Variants in MMP20 observed in about 807,000 individuals in gnomAD.
The protein encoded by MMP20 is matrix metallopeptidase 20.
In MMP20, 50 loss-of-function variants were observed where a neutral mutation model predicts 51.8. That is an observed-to-expected ratio of 0.97 (90% confidence interval 0.77 to 1.22). The LOEUF (loss-of-function observed/expected upper bound fraction) is 1.22. MMP20 is among the 50% of genes most tolerant of loss of function. The probability of loss-of-function intolerance (pLI) is 0.00; values close to 1 mark genes in which losing one functional copy is unlikely to be tolerated. For missense variants in MMP20, 663 were observed against 601.4 expected, an observed-to-expected ratio of 1.10 and a Z score of -1.07; for synonymous variants, 244 against 216.2, an observed-to-expected ratio of 1.13 and a Z score of -1.13.
rs1264781229 is a variant in MMP20 at position 102,577,032 on chromosome 11, C to A, written c.*294G>T. On this transcript the variant is annotated 3_prime_UTR_variant, in exon 10 of 10. Transcript: ENST00000260228. ...TCCTGGAAATAAAAATCAAACGGAT[C>A]AATCTGCTTCAGTATATTAGGTAAG... 2 of 349,864 alleles carry A rather than the reference C, an allele frequency of 5.7e-6. No homozygotes were observed. The highest frequency in any genetic ancestry group is 2.1e-5 in the African/African-American group (1 of 47,646). The allele number at this position is 349,864 out of a possible 1,614,324, so 21.7% of individuals were successfully genotyped here. A position where few individuals can be genotyped will look rare whatever the true frequency, so the allele number is the denominator to read the frequency against.
At chr11:102,578,944 C>T in intron 9 of MMP20, 95 bp downstream of exon 9, 1 of 883,424 alleles carries the variant, frequency 1.1e-6, no homozygotes, top group South Asian at 1.3e-5. Flanking sequence ...AAACCAAGGA[C>T]TCCCACTTGG....
At chr11:102,625,109 G>A in intron 1 of MMP20, 85 bp downstream of exon 1, 1 of 1,536,742 alleles carries the variant, frequency 6.5e-7, no homozygotes, top group Middle Eastern at 2.1e-4. Flanking sequence ...AAGAACAATA[G>A]AATTTTTTTC....
intron 8 of MMP20, among the ~76,000 whole-genome samples, chr11:102,590,352 G>A (rs1164300381): frequency 6.6e-6 from 1 of 152,146 alleles, no homozygotes; most frequent in Non-Finnish European, 1.5e-5. Flanking sequence ...GCATGTAACG[G>A]CATCAACATA....
chr11:102,602,272 A>G (rs1838526293), intron 6 of MMP20, among the ~76,000 whole-genome samples: 1 of 151,108 alleles, frequency 6.6e-6, no homozygotes, highest in Admixed American at 6.6e-5. Context: ...CCGGCCAAAA[A>G]TGCTTTTCTT....
intron 8 of MMP20, among the ~76,000 whole-genome samples, chr11:102,587,795 T>C (rs1284698865): frequency 6.6e-6 from 1 of 152,192 alleles, no homozygotes; most frequent in Non-Finnish European, 1.5e-5. Flanking sequence ...TTGCATGATA[T>C]ATTTTTTCCA....
chr11:102,615,605 A>T (rs1859659764), intron 2 of MMP20, among the ~76,000 whole-genome samples: 1 of 152,180 alleles, frequency 6.6e-6, no homozygotes, highest in Non-Finnish European at 1.5e-5. Flanking sequence ...GATAAAGTCC[A>T]AACTCCTTGA....
At chr11:102,608,017 T>G (rs1440410079) in intron 5 of MMP20, 1 of 152,202 alleles carries the variant, frequency 6.6e-6, no homozygotes, top group Non-Finnish European at 1.5e-5. Context: ...GTGCCTCAGG[T>G]GAAATCTGAC....
chr11:102,601,980 T>C (rs1227982419), intron 6 of MMP20, among the ~76,000 whole-genome samples: 3 of 148,236 alleles, frequency 2.0e-5, no homozygotes, highest in East Asian at 2.0e-4. Context: ...GACGGAGTCT[T>C]GCTCTGTCGC....
chr11:102,602,185 G>A (rs1859456853), intron 6 of MMP20, among the ~76,000 whole-genome samples: 2 of 138,344 alleles, frequency 1.4e-5, no homozygotes, highest in South Asian at 2.4e-4. Context: ...AGCCAGGATG[G>A]TCTCCATCTC....
At chr11:102,582,523 T>C (rs373032306) in intron 8 of MMP20, among the ~76,000 whole-genome samples, 1 of 152,290 alleles carries the variant, frequency 6.6e-6, no homozygotes, top group East Asian at 1.9e-4. Flanking sequence ...CTTTCATGAA[T>C]GAAGTGGGCT....
chr11:102,601,258 A>C (rs868415173), intron 6 of MMP20, among the ~76,000 whole-genome samples: 1 of 77,192 alleles, frequency 1.3e-5, no homozygotes, highest in Admixed American at 1.4e-4. Flanking sequence ...TCAGCCTCCC[A>C]AGTAGCTGGG....
rs190401373 is a variant in MMP20 at position 102,619,075 on chromosome 11, A to T, written c.127-2016T>A. Among the ~76,000 whole-genome samples, 453 of 152,190 alleles carry T rather than the reference A, an allele frequency of 3.0e-3. 1 individual carries two copies. Among genetic ancestry groups the T allele is most frequent in the Admixed American group, 5.2e-3 (80 of 15,288 alleles). ...CTAGGTGTTCTGAAACAAAGCTGCG[A>T]CTATTTGGTTCCATTCCGTCTCTAG... On this transcript the variant is annotated intron_variant, in intron 1 of 9. Coordinates refer to ENST00000260228, the MANE Select transcript of MMP20 (RefSeq NM_004771.4).
In MMP20 at chr11:102,602,043, G is replaced by A. The variant is rs1384347499; in HGVS notation, c.953+4492C>T. Among the ~76,000 whole-genome samples, 33 of 148,226 alleles carry A rather than the reference G, an allele frequency of 2.2e-4. 1 individual carries two copies. The highest frequency in any genetic ancestry group is 8.7e-4 in the Admixed American group (13 of 14,886). On this transcript the variant is annotated intron_variant, in intron 6 of 9. Transcript: ENST00000260228. Reference sequence around the variant, plus strand: ...CGGCTCACTACAAGCTCCGCCTCCCGGGTTCACGCCATTCTCCTGCCTCAG... The same window carrying A: ...CGGCTCACTACAAGCTCCGCCTCCCAGGTTCACGCCATTCTCCTGCCTCAG...
chr11:102,584,175 T>C (rs1334417544), intron 8 of MMP20, among the ~76,000 whole-genome samples: 1 of 152,200 alleles, frequency 6.6e-6, no homozygotes, highest in South Asian at 2.1e-4. Flanking sequence ...CAAATGATAA[T>C]TCTATGTTCA....
intron 8 of MMP20, among the ~76,000 whole-genome samples, chr11:102,587,511 T>C (rs772264627): frequency 2.6e-5 from 4 of 152,216 alleles, no homozygotes; most frequent in Non-Finnish European, 5.9e-5. Context: ...TGTTGATCTC[T>C]CTGGTTGTTC....
chr11:102,622,997 G>T (rs138845579), intron 1 of MMP20, among the ~76,000 whole-genome samples: 131 of 152,322 alleles, frequency 8.6e-4, no homozygotes, highest in Admixed American at 2.8e-3. Flanking sequence ...CAGAGCTGAG[G>T]ACCAGGGCCA....
intron 5 of MMP20, 22 bp downstream of exon 5, chr11:102,608,915 T>C (rs1859555186): frequency 6.2e-7 from 1 of 1,612,908 alleles, no homozygotes; most frequent in Admixed American, 1.7e-5. Context: ...GGGTGAGTCA[T>C]CAAAGAAGGT....
In MMP20 at chr11:102,624,831, C is replaced by T. The variant is rs556274935; in HGVS notation, c.126+363G>A. ...CACTAAATTCACAACCTGCCTCTAG[C>T]GTGTGGATTATGCCTCGGTTTTTAT... On this transcript the variant is annotated intron_variant, in intron 1 of 9. Coordinates refer to ENST00000260228, the MANE Select transcript of MMP20 (RefSeq NM_004771.4). Among the ~76,000 whole-genome samples the T allele has an allele frequency of 2.5e-4, 38 of 152,266 alleles. 1 individual carries two copies. Among genetic ancestry groups the T allele is most frequent in the South Asian group, 2.1e-3 (10 of 4,822 alleles).
At chr11:102,579,165 A>C (rs1481128160) in intron 8 of MMP20, 23 bp from the exon 9 acceptor site, 2 of 1,533,292 alleles carry the variant, frequency 1.3e-6, no homozygotes, top group East Asian at 2.3e-5. Context: ...TTATTTCATA[A>C]ATAATATTAC....
Sources: gnomAD v4.1 joint callset for allele counts (sites outside exome capture counted in the v4.1 genomes callset) on GRCh38, gnomAD v4.1.1 for gene constraint, MANE v1.5 for transcripts, NCBI Gene and HGNC (gene_info 2026-07-23, HGNC 2026-07-21) for gene names.